CTSK: variants seen among roughly 807,000 people sequenced by gnomAD.
The protein encoded by CTSK is cathepsin O.
In CTSK, 26 loss-of-function variants were observed where a neutral mutation model predicts 40.5. That is an observed-to-expected ratio of 0.64 (90% CI 0.47 to 0.89). The LOEUF (loss-of-function observed/expected upper bound fraction) is 0.89, where lower values mean the gene tolerates loss of function less well. Ranked by LOEUF, CTSK falls within the 40% of genes least tolerant of loss-of-function variation. The pLI, the probability that CTSK is intolerant of heterozygous loss-of-function variation, is 0.00. For synonymous variants in CTSK, 132 were observed against 143.2 expected, an observed-to-expected ratio of 0.92 and a Z score of 0.56; for missense variants, 292 against 400.1, an observed-to-expected ratio of 0.73 and a Z score of 2.30.
In CTSK at chr1:150,799,338, G is replaced by T. The variant is rs373577894; in HGVS notation, c.785-65C>A. 45 of 1,328,980 alleles carry T rather than the reference G, an allele frequency of 3.4e-5. No homozygotes were observed. In the East Asian group the frequency reaches 4.1e-4, roughly 12 times the overall value. The allele number at this position is 1,328,980 out of a possible 1,614,324, so 82.3% of individuals were successfully genotyped here. Reference sequence around the variant, plus strand: ...AAGGGTCACCCTGTGGGATCTCCCAGTCTAGGAGACTGTTTGAAGAATTCC... The same window carrying T: ...AAGGGTCACCCTGTGGGATCTCCCATTCTAGGAGACTGTTTGAAGAATTCC... On this transcript the variant is annotated intron_variant, in intron 6 of 7. Coordinates refer to ENST00000271651, the MANE Select transcript of CTSK (RefSeq NM_000396.4).
rs1354430372 is a variant in CTSK, at chr1:150,806,587, G to C, written c.120+99C>G. ...TTAGGGAAGAGGGACTGATTTGCTT[G>C]GAATAAAGCATTTGGATTGAAGAAG... On this transcript the variant is annotated intron_variant, in intron 2 of 7. Transcript: ENST00000271651. 2.0e-6 allele frequency: 3 copies of C among 1,503,604 alleles called. No individual in the cohort carries two copies. The Admixed American group carries it at 5.0e-5, about 25-fold the overall frequency. 93.1% of individuals were successfully genotyped at this position (1,503,604 alleles called of 1,614,324 possible).
chr1:150,801,848 T>G lies in CTSK; in HGVS notation c.619-2139A>C, dbSNP rs145164935. ...GCCACCGCGCCAGGCCTATTAAAAT[T>G]AACTTTTCTAGATTGAAAGACATCA... is the stretch of plus-strand genomic sequence containing the variant. On this transcript the variant is annotated intron_variant, in intron 5 of 7. Coordinates refer to ENST00000271651, the MANE Select transcript of CTSK (RefSeq NM_000396.4). Among the ~76,000 whole-genome samples, 502 of 152,170 alleles carry G rather than the reference T, an allele frequency of 3.3e-3. 19 individuals are homozygous for G. The East Asian group carries it at 0.068, about 21-fold the overall frequency.
chr1:150,802,799 G>A (rs1405357732), intron 5 of CTSK, among the ~76,000 whole-genome samples: 1 of 152,174 alleles, frequency 6.6e-6, no homozygotes, highest in Non-Finnish European at 1.5e-5. Flanking sequence ...TTGGGAGGCT[G>A]AGGCGAGAGG....
chr1:150,805,357 A>G (rs1458530699), intron 4 of CTSK, among the ~76,000 whole-genome samples: 1 of 152,024 alleles, frequency 6.6e-6, no homozygotes, highest in Non-Finnish European at 1.5e-5. Context: ...TGTAATAAAG[A>G]AAAACCAGGC....
At chr1:150,807,307 C>G (rs752840374) in intron 1 of CTSK, 1 of 471,548 alleles carries the variant, frequency 2.1e-6, no homozygotes, top group South Asian at 1.5e-5. Flanking sequence ...AGGCGTTCTT[C>G]TCTTTCGTGC....
chr1:150,797,164 G>C (rs1263274190), intron 7 of CTSK, among the ~76,000 whole-genome samples: 1 of 152,130 alleles, frequency 6.6e-6, no homozygotes, highest in African/African-American at 2.4e-5. Flanking sequence ...GTAGAATTTC[G>C]ACCTGTGGGA....
chr1:150,807,148 T>C, intron 1 of CTSK: 1 of 434,254 alleles, frequency 2.3e-6, no homozygotes, highest in Non-Finnish European at 4.5e-6. Flanking sequence ...AAATGGGGGA[T>C]AGAAACTGGA....
At chr1:150,800,176 G>A (rs887736548) in intron 5 of CTSK, among the ~76,000 whole-genome samples, 5 of 71,214 alleles carry the variant, frequency 7.0e-5, no homozygotes, top group Non-Finnish European at 1.3e-4. Flanking sequence ...CAGCCTGGGC[G>A]AGAGCGAGAC....
chr1:150,806,934 G>T (rs1654106486), intron 1 of CTSK, 128 bp from the exon 2 acceptor site: 2 of 1,115,300 alleles, frequency 1.8e-6, no homozygotes, highest in Admixed American at 1.9e-5. Flanking sequence ...GGAGGGGCCT[G>T]TGTTTAGATA....
At chr1:150,807,076 TCTCTCACA>T (rs765171444) in intron 1 of CTSK, among the ~76,000 whole-genome samples, 953 of 36,432 alleles carry the variant, frequency 0.026, 5 homozygotes, top group Non-Finnish European at 0.056. Context: ...TGTCTCTCTC[TCTCTCACA>T]CACACACACA....
At position 150,799,687 on chromosome 1, in the gene CTSK, G is replaced by C; in HGVS notation, c.641C>G (p.Pro214Arg). The C allele has an allele frequency of 6.2e-7, 1 of 1,614,078 alleles. No homozygotes were observed. Among genetic ancestry groups the C allele is most frequent in the African/African-American group, 1.3e-5 (1 of 75,006 alleles). ...VGQEESCMYNPTGKAAKCRGY... is the reference protein window; with the variant it reads ...VGQEESCMYNRTGKAAKCRGY... ...TCTGCATTTAGCTGCCTTGCCTGTT[G>C]GGTTGTACATACAACTCTCTTCCTG... Residue 214 changes from proline (P) to arginine (R), a missense_variant, in exon 6 of 8, where the codon CCA becomes CGA. Physicochemically the swap from Pro to Arg is moderately radical, Grantham distance 103 (BLOSUM62 -2). Transcript: ENST00000271651.
chr1:150,799,651 T>C lies in CTSK; in HGVS notation c.677A>G (p.Glu226Gly), dbSNP rs915360055. The C allele has an allele frequency of 6.2e-7, 1 of 1,614,022 alleles. No individual in the cohort carries two copies. The highest frequency in any genetic ancestry group is 8.5e-7 in the Non-Finnish European group (1 of 1,179,986). The change falls in exon 6 of 8, where the codon GAG (glutamate) becomes GGG (glycine). Residue 226 changes from glutamate (E) to glycine (G), a missense_variant. Transcript: ENST00000271651. Reference protein sequence around the residue: ...GKAAKCRGYREIPEGNEKALK... With the variant: ...GKAAKCRGYRGIPEGNEKALK... ...GGCTTTCTCATTCCCCTCGGGGATC[T>C]CTCTGTACCCTCTGCATTTAGCTGC...
At chr1:150,800,127 G>A (rs914880472) in intron 5 of CTSK, among the ~76,000 whole-genome samples, 1 of 136,396 alleles carries the variant, frequency 7.3e-6, no homozygotes, top group Admixed American at 8.6e-5. Flanking sequence ...AACCTGGGAG[G>A]CAGACCTTGT....
At chr1:150,806,594 A>G in intron 2 of CTSK, 92 bp downstream of exon 2, 2 of 1,541,908 alleles carry the variant, frequency 1.3e-6, no homozygotes, top group Non-Finnish European at 1.8e-6. Context: ...CTTGGAATAA[A>G]GCATTTGGAT....
At chr1:150,796,963 G>A (rs760155011) in intron 7 of CTSK, 65 bp from the exon 8 acceptor site, 123 of 1,143,402 alleles carry the variant, frequency 1.1e-4, no homozygotes, top group Non-Finnish European at 1.5e-4. Flanking sequence ...AATATTTACT[G>A]AGTATTGTGC....
intron 5 of CTSK, chr1:150,801,110 GC>G (rs1653981228): frequency 6.6e-6 from 1 of 152,184 alleles, no homozygotes; most frequent in Non-Finnish European, 1.5e-5. Flanking sequence ...TTATCTGGCC[GC>G]CCTATCAGAT....
chr1:150,800,210 C>CAAAAAAAAAA (rs1553196993), intron 5 of CTSK, among the ~76,000 whole-genome samples: 6 of 34,834 alleles, frequency 1.7e-4, no homozygotes, highest in Admixed American at 5.4e-4. Flanking sequence ...AAAAAAAAAT[C>CAAAAAAAAAA]AACTACAGGT....
Position 150,796,873 on chromosome 1 carries a change from CT to C in CTSK, c.915del (p.Gly306AspfsTer61), listed in dbSNP as rs763968223. On this transcript the variant is annotated frameshift_variant, in exon 8 of 8. Transcript: ENST00000271651. LOFTEE classifies it high-confidence loss of function. ...KNSWGENWGN[K>X]GYILMARNKN... is the part of the protein sequence containing the mutation. ...TTATTTCGAGCCATGAGGATATATC[CT>C]TTGTTTCCCCAGTTTTCTCCCCAGC... 6.2e-7 allele frequency: 1 copy of C among 1,614,066 alleles called. No individual in the cohort carries two copies. The highest frequency in any genetic ancestry group is 1.7e-5 in the Admixed American group (1 of 60,024).
chr1:150,803,145 T>A (rs75964913), intron 5 of CTSK, among the ~76,000 whole-genome samples: 17 of 152,274 alleles, frequency 1.1e-4, no homozygotes, highest in Admixed American at 5.2e-4. Flanking sequence ...TAAGAAATTC[T>A]TGCACATGTG....
Sources: allele counts gnomAD v4.1 joint callset (sites outside exome capture counted in the v4.1 genomes callset), GRCh38; gene constraint gnomAD v4.1.1; transcripts MANE v1.5; gene names NCBI Gene and HGNC (gene_info 2026-07-23, HGNC 2026-07-21).